The following HDAC7 variants were observed in gnomAD, a reference collection of about 807,000 sequenced individuals.
The protein encoded by HDAC7 is histone deacetylase 7.
A neutral mutation model predicts 115.5 loss-of-function variants in HDAC7; 26 were observed. The observed-to-expected ratio is 0.23, with a 90% CI of 0.16 to 0.31. HDAC7 has a LOEUF of 0.31. Ranked by LOEUF, HDAC7 falls within the 10% of genes least tolerant of loss-of-function variation. The pLI is 1.00. For synonymous variants in HDAC7, 564 were observed against 550.9 expected (o/e 1.02, Z -0.33); for missense variants, 1,068 against 1,329.0 (o/e 0.80, Z 3.05).
intron 1 of HDAC7, chr12:47,813,020 C>T (rs1944733508): frequency 6.6e-6 from 1 of 152,260 alleles, no homozygotes; most frequent in African/African-American, 2.4e-5. Flanking sequence ...TCCTCAGCGT[C>T]TCCGCCGTGA....
chr12:47,810,804 GTCTCTCTCTCTC>G (rs60132211), intron 1 of HDAC7, among the ~76,000 whole-genome samples: 3,626 of 131,538 alleles, frequency 0.028, 157 homozygotes, highest in African/African-American at 0.099. Flanking sequence ...GGAGGAAAAG[GTCTCTCTCTCTC>G]TCTCTCTCTC....
At chr12:47,802,087 A>G (rs1371702544) in intron 2 of HDAC7, 137 bp downstream of exon 2, 5 of 877,218 alleles carry the variant, frequency 5.7e-6, no homozygotes, top group Admixed American at 2.3e-5. Flanking sequence ...CCCTCCCTGG[A>G]GCCGCCACCT....
In HDAC7 at chr12:47,798,581, G is replaced by A. The variant is rs1168246303; in HGVS notation, c.330C>T (p.His110=). The change falls in exon 4 of 26, where the codon CAC becomes CAT. Residue 110 remains histidine, a synonymous_variant. Coordinates refer to ENST00000080059, the MANE Select transcript of HDAC7 (RefSeq NM_015401.5). This position sits in a 1 kb window ranked among gnomAD's most constrained non-coding sequence, Gnocchi z 4.3. ...PQEQELRQLL[H]KDKSKRSAVA... ...CCTTACTTCGCTTGCTCTTGTCCTT[G>A]TGGAGAAGCTGCCGCAGCTCTTGTT... is the stretch of plus-strand genomic sequence containing the variant. 1 of 1,613,892 alleles carries A rather than the reference G, an allele frequency of 6.2e-7. No individual in the cohort carries two copies. Among genetic ancestry groups the A allele is most frequent in the Non-Finnish European group, 8.5e-7 (1 of 1,179,916 alleles).
At chr12:47,804,658 C>T (rs1163299284) in intron 1 of HDAC7, among the ~76,000 whole-genome samples, 1 of 152,098 alleles carries the variant, frequency 6.6e-6, no homozygotes, top group Admixed American at 6.6e-5. Flanking sequence ...TCTTTGGAGG[C>T]AACTGCAGTC....
At position 47,795,225 on chromosome 12, in the gene HDAC7, G is replaced by C. The variant is rs375702304; in HGVS notation, c.1243C>G (p.Pro415Ala). The C allele has an allele frequency of 6.2e-7, 1 of 1,612,998 alleles. No homozygotes were observed. Among genetic ancestry groups the C allele is most frequent in the East Asian group, 2.2e-5 (1 of 44,872 alleles). ...TGAGTTTTGAGCTGCTCCAGGCGGG[G>C]CTGCATGGGGCCCGGCGGTGGGGGA... ...TAPPPPGPMQ[P>A]RLEQLKTHVQ... The change falls in exon 11 of 26, where the codon CCC (proline) becomes GCC (alanine). Residue 415 changes from proline (P) to alanine (A), a missense_variant. Physicochemically the swap from Pro to Ala is conservative, Grantham distance 27. Around this residue, in one of 6 missense-constraint regions of HDAC7, gnomAD observed 618 missense variants for 701.5 expected, o/e 0.88. Coordinates refer to ENST00000080059, the MANE Select transcript of HDAC7 (RefSeq NM_015401.5). This position sits in a 1 kb window ranked among gnomAD's most constrained non-coding sequence, Gnocchi z 4.3.
Position 47,785,453 on chromosome 12 carries a change from C to A in HDAC7, c.2725G>T (p.Glu909Ter). 6.2e-7 allele frequency: 1 copy of A among 1,613,046 alleles called. No homozygotes were observed. The highest frequency in any genetic ancestry group is 8.5e-7 in the Non-Finnish European group (1 of 1,179,518). The change falls in exon 24 of 26, where the codon GAA becomes TAA. Residue 909 changes from glutamate (E) to a stop codon, truncating the protein, a stop_gained. Coordinates refer to ENST00000080059, the MANE Select transcript of HDAC7 (RefSeq NM_015401.5). LOFTEE classifies it high-confidence loss of function. ...LGNRVDPLSEEGWKQKPNLNA... is the reference protein window; with the variant it reads ...LGNRVDPLSE ...AGGTTGGGTTTCTGTTTCCAGCCTT[C>A]TTCTGAAAGGGGATCCACCTATAGA...
Position 47,795,177 on chromosome 12 carries a change from C to T in HDAC7, c.1284+7G>A. On this transcript the variant is annotated splice_region_variant and intron_variant, in intron 11 of 25. Coordinates refer to ENST00000080059, the MANE Select transcript of HDAC7 (RefSeq NM_015401.5). The surrounding 1 kb of genome is among the most constrained non-coding windows in gnomAD (Gnocchi z 4.3). ...CCTCAATACCTCCACTGCCCAATTC[C>T]TCTCACCTTGATCACCTGGACGTGA... is the stretch of plus-strand genomic sequence containing the variant. 1 of 1,609,746 alleles carries T rather than the reference C, an allele frequency of 6.2e-7. No homozygotes were observed. Among genetic ancestry groups the T allele is most frequent in the Non-Finnish European group, 8.5e-7 (1 of 1,177,072 alleles).
rs956531836 is a variant in HDAC7 at position 47,817,998 on chromosome 12, C to G, written c.19+1769G>C. ...AAACTGGAGGGGGTGGATAATAGCA[C>G]AGTACCTTCATTCTCCTCTCCATAG... On this transcript the variant is annotated intron_variant, in intron 1 of 25. Coordinates refer to ENST00000080059, the MANE Select transcript of HDAC7 (RefSeq NM_015401.5). 2.0e-5 allele frequency: 3 copies of G among 152,270 alleles called. No individual in the cohort carries two copies. In the South Asian group the frequency reaches 6.2e-4, roughly 32 times the overall value. 9.4% of individuals were successfully genotyped at this position (152,270 alleles called of 1,614,324 possible).
chr12:47,789,087 TAGGCCTC>T, intron 19 of HDAC7, 167 bp downstream of exon 19: 2 of 642,038 alleles, frequency 3.1e-6, no homozygotes, highest in African/African-American at 3.6e-5. Context: ...CCATCCCCTC[TAGGCCTC>T]CCAACTGTGA....
chr12:47,820,428 G>C (rs904013355), upstream of HDAC7: 1 of 152,636 alleles, frequency 6.6e-6, no homozygotes, highest in African/African-American at 2.4e-5. The surrounding 1 kb of genome is among the most constrained non-coding windows in gnomAD (Gnocchi z 4.3). Context: ...TCCCATACAA[G>C]GAATCCCAGA....
intron 19 of HDAC7, 64 bp downstream of exon 19, chr12:47,789,197 C>T: frequency 8.0e-7 from 1 of 1,244,198 alleles, no homozygotes; most frequent in Non-Finnish European, 1.2e-6. Flanking sequence ...GCATCTCTAA[C>T]ATCAGGCTCA....
intron 1 of HDAC7, chr12:47,802,607 C>A: frequency 1.2e-6 from 1 of 826,804 alleles, no homozygotes; most frequent in South Asian, 1.7e-5. Flanking sequence ...ACAATCTTCC[C>A]TGGGCAGCCA....
chr12:47,820,158 C>G (rs920411583), upstream of HDAC7, among the ~76,000 whole-genome samples: 11 of 151,140 alleles, frequency 7.3e-5, no homozygotes, highest in African/African-American at 2.7e-4. The surrounding 1 kb of genome is among the most constrained non-coding windows in gnomAD (Gnocchi z 4.3). Context: ...GAACCCGGAA[C>G]GCCGGCCGCG....
chr12:47,815,913 T>C (rs1212768099), intron 1 of HDAC7, among the ~76,000 whole-genome samples: 1 of 149,848 alleles, frequency 6.7e-6, no homozygotes, highest in Non-Finnish European at 1.5e-5. Flanking sequence ...TTTTTTTTTT[T>C]TACAGAGTCT....
intron 1 of HDAC7, among the ~76,000 whole-genome samples, chr12:47,812,152 G>A (rs1210389979): frequency 6.6e-6 from 1 of 152,246 alleles, no homozygotes; most frequent in Non-Finnish European, 1.5e-5. Context: ...AGGGCCAGCT[G>A]GCTTCAAGGC....
intron 22 of HDAC7, 120 bp downstream of exon 22, chr12:47,786,465 A>AG: frequency 2.9e-6 from 2 of 701,348 alleles, no homozygotes; most frequent in Admixed American, 2.3e-5. Context: ...TCCAGTCCTC[A>AG]GGCTGAAAGC....
At chr12:47,792,221 C>T in intron 13 of HDAC7, 2 of 575,370 alleles carry the variant, frequency 3.5e-6, no homozygotes, top group Non-Finnish European at 6.1e-6. Context: ...CCCCAGGTGG[C>T]AGCAGCCAAC....
intron 14 of HDAC7, 49 bp from the exon 15 acceptor site, chr12:47,791,755 C>A (rs1943534500): frequency 6.2e-7 from 1 of 1,604,830 alleles, no homozygotes; most frequent in Admixed American, 1.7e-5. Flanking sequence ...CCCTTCCCTC[C>A]CATCACCACC....
At chr12:47,792,682 T>C in intron 13 of HDAC7, 1 of 455,804 alleles carries the variant, frequency 2.2e-6, no homozygotes, top group Non-Finnish European at 4.4e-6. Flanking sequence ...TGGGAAATAA[T>C]CCCAAGCATG....
Sources: gnomAD v4.1 joint callset for allele counts (sites outside exome capture counted in the v4.1 genomes callset) on GRCh38, gnomAD v4.1.1 for gene constraint, gnomAD v4.1.1 regional missense constraint, Gnocchi (gnomAD v3.1) non-coding constraint, MANE v1.5 for transcripts, NCBI Gene and HGNC (gene_info 2026-07-23, HGNC 2026-07-21) for gene names.